GBP6: variants seen among roughly 807,000 people sequenced by gnomAD.
The protein encoded by GBP6 is guanylate binding protein family member 6.
In GBP6, 54 loss-of-function variants were observed where a neutral mutation model predicts 61.5. The observed-to-expected ratio is 0.88, with a 90% CI of 0.71 to 1.10. GBP6 has a LOEUF of 1.10. Among genes scored for constraint, GBP6 ranks in the 50% least tolerant of loss-of-function variants. The probability of loss-of-function intolerance (pLI) is 0.00; values close to 1 mark genes in which losing one functional copy is unlikely to be tolerated. For synonymous variants in GBP6, 255 were observed against 273.7 expected (o/e 0.93, Z 0.67); for missense variants, 748 against 752.8 (o/e 0.99, Z 0.07).
intron 1 of GBP6, among the ~76,000 whole-genome samples, chr1:89,368,267 G>C: frequency 6.6e-6 from 1 of 152,182 alleles, no homozygotes; most frequent in South Asian, 2.1e-4. Flanking sequence ...TGGAGTATTA[G>C]TGGGCCCCCT....
At position 89,382,659 on chromosome 1, in the gene GBP6, T is replaced by C. The variant is rs777194066; in HGVS notation, c.1153-5T>C. 55 of 1,612,284 alleles carry C rather than the reference T, an allele frequency of 3.4e-5. No homozygotes were observed. The highest frequency in any genetic ancestry group is 3.2e-5 in the Non-Finnish European group (38 of 1,178,462). ...TGGTGACATCTCTCTACATTTCCCT[T>C]GCAGGAAACCACAATGAATAAGAAG... On this transcript the variant is annotated splice_region_variant and splice_polypyrimidine_tract_variant and intron_variant, in intron 7 of 10. Coordinates refer to ENST00000370456, the MANE Select transcript of GBP6 (RefSeq NM_198460.3).
At position 89,369,598 on chromosome 1, in the gene GBP6, G is replaced by C; in HGVS notation, c.243G>C (p.Trp81Cys). 1 of 1,614,078 alleles carries C rather than the reference G, an allele frequency of 6.2e-7. No homozygotes were observed. The highest frequency in any genetic ancestry group is 8.5e-7 in the Non-Finnish European group (1 of 1,179,960). Residue 81 changes from tryptophan to cysteine, a missense_variant, in exon 3 of 11, where the codon TGG (tryptophan) becomes TGC (cysteine). Physicochemically the swap from Trp to Cys is radical, Grantham distance 215. Transcript: ENST00000370456. ...CTGAAACCAAGGGCATCTGGATGTGGTGCGTGCCCCACCCATCCAAGCCAA... is the reference window on the plus strand; with the variant it reads ...CTGAAACCAAGGGCATCTGGATGTGCTGCGTGCCCCACCCATCCAAGCCAA... ...VQSETKGIWM[W>C]CVPHPSKPNH...
chr1:89,381,525 T>C (rs1652978098), intron 6 of GBP6, among the ~76,000 whole-genome samples, 169 bp from the exon 7 acceptor site: 1 of 152,092 alleles, frequency 6.6e-6, no homozygotes, highest in Non-Finnish European at 1.5e-5. Context: ...TGAAGAGTCA[T>C]TATGAAAATA....
At position 89,382,710 on chromosome 1, in the gene GBP6, A is replaced by T; in HGVS notation, c.1199A>T (p.Glu400Val). Residue 400 changes from glutamate (E) to valine (V), a missense_variant, in exon 8 of 11, where the codon GAG becomes GTG. Transcript: ENST00000370456. ...KKGDFLLQNE[E>V]SSVQYCQAKL... is the part of the protein sequence containing the mutation. ...GGGGATTTCTTGCTGCAGAATGAAG[A>T]GTCATCTGTTCAATACTGCCAGGCT... The T allele has an allele frequency of 6.2e-7, 1 of 1,614,176 alleles. No homozygotes were observed. The highest frequency in any genetic ancestry group is 8.5e-7 in the Non-Finnish European group (1 of 1,179,998).
intron 5 of GBP6, among the ~76,000 whole-genome samples, chr1:89,379,217 G>A (rs1361547854): frequency 6.6e-6 from 1 of 152,128 alleles, no homozygotes; most frequent in African/African-American, 2.4e-5. Context: ...GAACAACAGA[G>A]GGGGGTGGTC....
chr1:89,378,049 A>T, intron 3 of GBP6, 54 bp from the exon 4 acceptor site: 1 of 1,469,506 alleles, frequency 6.8e-7, no homozygotes, highest in Non-Finnish European at 9.4e-7. Context: ...TAAATGTCTC[A>T]GTGAATTTCT....
In GBP6 at chr1:89,380,577, T is replaced by C; in HGVS notation, c.817T>C (p.Phe273Leu). Residue 273 changes from phenylalanine to leucine, a missense_variant, in exon 6 of 11, where the codon TTC becomes CTC. Coordinates refer to ENST00000370456, the MANE Select transcript of GBP6 (RefSeq NM_198460.3). ...AACAAACATTTTCTGTTCTTACATC[T>C]TCACTCATGCAAGAACCAAGACCCT... ...EQTNIFCSYI[F>L]THARTKTLRE... The C allele has an allele frequency of 6.2e-7, 1 of 1,613,632 alleles. No individual in the cohort carries two copies. Among genetic ancestry groups the C allele is most frequent in the Non-Finnish European group, 8.5e-7 (1 of 1,179,530 alleles).
chr1:89,369,007 T>G (rs1208564907), intron 2 of GBP6, among the ~76,000 whole-genome samples: 1 of 152,202 alleles, frequency 6.6e-6, no homozygotes, highest in East Asian at 1.9e-4. Flanking sequence ...CCTGTAATTG[T>G]GTCTCCTTTG....
chr1:89,378,288 T>C, intron 4 of GBP6, 76 bp downstream of exon 4: 1 of 1,533,168 alleles, frequency 6.5e-7, no homozygotes, highest in Non-Finnish European at 8.9e-7. Context: ...CATTTCCTCC[T>C]TCCCTTTGAT....
intron 3 of GBP6, among the ~76,000 whole-genome samples, chr1:89,373,764 T>C (rs1286266803): frequency 6.6e-6 from 1 of 151,956 alleles, no homozygotes; most frequent in Non-Finnish European, 1.5e-5. Context: ...TGTATACATA[T>C]GTAACAAACC....
chr1:89,375,995 C>T (rs1170104095), intron 3 of GBP6, among the ~76,000 whole-genome samples: 1 of 152,116 alleles, frequency 6.6e-6, no homozygotes, highest in African/African-American at 2.4e-5. Flanking sequence ...ATTCTACTTT[C>T]TACTGCTATG....
At chr1:89,374,078 TA>T (rs1215115774) in intron 3 of GBP6, among the ~76,000 whole-genome samples, 5 of 152,102 alleles carry the variant, frequency 3.3e-5, no homozygotes, top group Non-Finnish European at 1.5e-5. Flanking sequence ...TCTCTCCTGC[TA>T]CCATGTGAAG....
intron 3 of GBP6, among the ~76,000 whole-genome samples, chr1:89,370,527 C>A (rs1652599062): frequency 6.6e-6 from 1 of 152,140 alleles, no homozygotes; most frequent in Non-Finnish European, 1.5e-5. Flanking sequence ...TGATATTTAG[C>A]TTCTTATGAA....
intron 3 of GBP6, among the ~76,000 whole-genome samples, chr1:89,376,070 C>T (rs2152351): frequency 0.79 from 120,070 of 151,678 alleles, 47,667 homozygotes; most frequent in African/African-American, 0.87. Flanking sequence ...CTGTGCCTGG[C>T]TTATTTAACT....
At chr1:89,384,017 T>A in intron 9 of GBP6, 76 bp from the exon 10 acceptor site, 1 of 1,387,564 alleles carries the variant, frequency 7.2e-7, no homozygotes, top group Non-Finnish European at 9.7e-7. Context: ...CAGATTTGGT[T>A]TAGTCTCAGC....
intron 3 of GBP6, among the ~76,000 whole-genome samples, chr1:89,374,276 C>T (rs1223479098): frequency 1.3e-5 from 2 of 152,128 alleles, no homozygotes; most frequent in African/African-American, 4.8e-5. Flanking sequence ...TTTTTCTGTT[C>T]ATGCATTGAT....
At chr1:89,365,605 T>C (rs1316420689) in intron 1 of GBP6, among the ~76,000 whole-genome samples, 1 of 152,264 alleles carries the variant, frequency 6.6e-6, no homozygotes, top group Non-Finnish European at 1.5e-5. Flanking sequence ...TGTTGAAATA[T>C]ATAATCTAAT....
intron 3 of GBP6, among the ~76,000 whole-genome samples, chr1:89,370,212 G>A (rs1652589130): frequency 6.6e-6 from 1 of 152,198 alleles, no homozygotes; most frequent in Non-Finnish European, 1.5e-5. Context: ...GCTGACACCT[G>A]TGATCCAGGC....
In GBP6 at chr1:89,369,598, G is replaced by A; in HGVS notation, c.243G>A (p.Trp81Ter). The A allele has an allele frequency of 1.9e-6, 3 of 1,614,078 alleles. No homozygotes were observed. The highest frequency in any genetic ancestry group is 1.3e-5 in the African/African-American group (1 of 75,026). Residue 81 changes from tryptophan (W) to a stop codon, truncating the protein, a stop_gained, in exon 3 of 11, where the codon TGG (tryptophan) becomes TGA (stop). Transcript: ENST00000370456. LOFTEE classifies it high-confidence loss of function. The stretch of plus-strand genomic sequence containing the variant: ...CTGAAACCAAGGGCATCTGGATGTG[G>A]TGCGTGCCCCACCCATCCAAGCCAA... ...VQSETKGIWM[W>*]CVPHPSKPNH...
Sources: gnomAD v4.1 joint callset for allele counts (sites outside exome capture counted in the v4.1 genomes callset) on GRCh38, gnomAD v4.1.1 for gene constraint, MANE v1.5 for transcripts, NCBI Gene and HGNC (gene_info 2026-07-23, HGNC 2026-07-21) for gene names.